Variants in CDH23 observed in about 807,000 individuals in gnomAD.
The protein encoded by CDH23 is cadherin related 23, also known as cadherin-23.
In CDH23, 189 loss-of-function variants were observed where a neutral mutation model predicts 317.1. The observed-to-expected ratio is 0.60, with a 90% CI of 0.53 to 0.67. The LOEUF is 0.67. Among genes scored for constraint, CDH23 ranks in the 30% least tolerant of loss-of-function variants. The pLI is 0.00. For synonymous variants in CDH23, 1,839 were observed against 1,876.8 expected (o/e 0.98, Z 0.52); for missense variants, 4,401 against 4,592.4 (o/e 0.96, Z 1.20).
At chr10:71,401,235 G>T (rs779939392) in intron 1 of CDH23, among the ~76,000 whole-genome samples, 3 of 152,156 alleles carry the variant, frequency 2.0e-5, no homozygotes, top group African/African-American at 4.8e-5. Flanking sequence ...TCCTCGGGTG[G>T]GGTGGCTGGT....
chr10:71,633,537 C>G (rs1474831427), intron 11 of CDH23, among the ~76,000 whole-genome samples: 1 of 152,174 alleles, frequency 6.6e-6, no homozygotes, highest in Non-Finnish European at 1.5e-5. Context: ...GGTCACCCCT[C>G]TACCCGGAGC....
At chr10:71,472,633 C>T (rs1030847319) in intron 3 of CDH23, among the ~76,000 whole-genome samples, 1 of 152,234 alleles carries the variant, frequency 6.6e-6, no homozygotes, top group African/African-American at 2.4e-5. Context: ...GCCCTTTGGC[C>T]TTGAAGGTCC....
intron 15 of CDH23, among the ~76,000 whole-genome samples, chr10:71,675,569 T>G (rs1287082251): frequency 6.6e-6 from 1 of 152,188 alleles, no homozygotes; most frequent in African/African-American, 2.4e-5. Flanking sequence ...ATCCTCTCAG[T>G]GAAATGACAG....
intron 6 of CDH23, among the ~76,000 whole-genome samples, chr10:71,530,540 C>G (rs924403582): frequency 1.3e-5 from 2 of 152,204 alleles, no homozygotes; most frequent in Non-Finnish European, 2.9e-5. Flanking sequence ...GGCATGGCAT[C>G]GGGGGGCAGG....
chr10:71,462,787 GC>G (rs139290279), intron 3 of CDH23, among the ~76,000 whole-genome samples: 2,677 of 152,348 alleles, frequency 0.018, 80 homozygotes, highest in African/African-American at 0.06. Flanking sequence ...ACCTGCCCCT[GC>G]CTGCACAGGT....
intron 14 of CDH23, among the ~76,000 whole-genome samples, chr10:71,673,391 G>A (rs920780041): frequency 1.3e-5 from 2 of 152,268 alleles, no homozygotes; most frequent in African/African-American, 4.8e-5. Flanking sequence ...AGCTGCAGTT[G>A]TAACAGTCCA....
intron 9 of CDH23, among the ~76,000 whole-genome samples, chr10:71,593,985 G>A (rs2132454268): frequency 6.6e-6 from 1 of 152,302 alleles, no homozygotes; most frequent in Non-Finnish European, 1.5e-5. Context: ...TGCAGTCCTA[G>A]CTACTTGGAA....
intron 6 of CDH23, among the ~76,000 whole-genome samples, chr10:71,534,831 A>G (rs1325289040): frequency 6.7e-6 from 1 of 148,242 alleles, no homozygotes; most frequent in Non-Finnish European, 1.5e-5. Context: ...CCAAGAAGCA[A>G]GGCTTGTGGG....
intron 38 of CDH23, 39 bp downstream of exon 38, chr10:71,741,960 C>T: frequency 6.7e-7 from 1 of 1,495,950 alleles, no homozygotes; most frequent in Non-Finnish European, 9.1e-7. Flanking sequence ...AGCGGGTGGG[C>T]CAGGGCAGCT....
intron 6 of CDH23, among the ~76,000 whole-genome samples, chr10:71,523,322 G>T (rs990854193): frequency 1.3e-5 from 2 of 152,170 alleles, no homozygotes; most frequent in African/African-American, 4.8e-5. Context: ...CAGGGCCAGG[G>T]CAATGGGAGA....
At position 71,694,708 on chromosome 10, in the gene CDH23, G is replaced by A. The variant is rs140186257; in HGVS notation, c.2289+449G>A. 3.3e-3 allele frequency among the ~76,000 whole-genome samples: 502 copies of A among 152,210 alleles called. 4 individuals are homozygous for A. Among genetic ancestry groups the A allele is most frequent in the African/African-American group, 0.011 (470 of 41,538 alleles). ...CCAGAGAGTAGAAAGCTAGAGGAAC[G>A]AAACGTGGGGGCCTCGAATGAGCTC... is the stretch of plus-strand genomic sequence containing the variant. On this transcript the variant is annotated intron_variant, in intron 21 of 69. Coordinates refer to ENST00000224721, the MANE Select transcript of CDH23 (RefSeq NM_022124.6).
chr10:71,469,376 C>G (rs900837245), intron 3 of CDH23, among the ~76,000 whole-genome samples: 1 of 152,284 alleles, frequency 6.6e-6, no homozygotes, highest in South Asian at 2.1e-4. Flanking sequence ...CAGAACTTTA[C>G]GTACATGGAA....
At chr10:71,776,943 A>T (rs1393823083) in intron 38 of CDH23, among the ~76,000 whole-genome samples, 1 of 152,246 alleles carries the variant, frequency 6.6e-6, no homozygotes, top group East Asian at 1.9e-4. Context: ...CAGGAGCAAG[A>T]ACCATTTCTA....
At chr10:71,783,771 G>GTC (rs986416348) in intron 41 of CDH23, among the ~76,000 whole-genome samples, 2 of 152,210 alleles carry the variant, frequency 1.3e-5, no homozygotes, top group African/African-American at 4.8e-5. Context: ...CCCCTCATCC[G>GTC]TCCCCTTCTG....
At chr10:71,755,449 G>A in intron 38 of CDH23, 1 of 1,612,458 alleles carries the variant, frequency 6.2e-7, no homozygotes, top group Non-Finnish European at 8.5e-7. Flanking sequence ...CCCGTAGCCA[G>A]GGCTGCAGCC....
chr10:71,811,414 G>C lies in CDH23; in HGVS notation c.9177G>C (p.Pro3059=), dbSNP rs371609236. Residue 3059 remains proline (P), a synonymous_variant, in exon 63 of 70, where the codon CCG becomes CCC. Coordinates refer to ENST00000224721, the MANE Select transcript of CDH23 (RefSeq NM_022124.6). ...AGCCTGCCATCTCTGTCCGGCTGCC[G>C]GATGACATGTCTGCCCTGCAGGTAC... is the stretch of plus-strand genomic sequence containing the variant. ...DVQPAISVRL[P]DDMSALQMAI... is the part of the protein sequence containing the mutation. 10 of 1,613,966 alleles carry C rather than the reference G, an allele frequency of 6.2e-6. No individual in the cohort carries two copies.
chr10:71,778,766 AT>A (rs917680379), intron 40 of CDH23, among the ~76,000 whole-genome samples: 2 of 152,064 alleles, frequency 1.3e-5, no homozygotes, highest in Non-Finnish European at 1.5e-5. Context: ...TACTATTATT[AT>A]TTTTTTGAGA....
intron 60 of CDH23, 150 bp from the exon 61 acceptor site, chr10:71,809,670 C>T: frequency 4.5e-6 from 5 of 1,105,838 alleles, no homozygotes; most frequent in Non-Finnish European, 6.3e-6. Context: ...ATCGTTCCCA[C>T]TTGCCTGTCA....
intron 38 of CDH23, chr10:71,753,829 C>T: frequency 2.2e-6 from 1 of 456,498 alleles, no homozygotes; most frequent in South Asian, 1.5e-5. Context: ...CCAAAAGTTC[C>T]TGAAATCTAT....
Sources: allele counts gnomAD v4.1 joint callset (sites outside exome capture counted in the v4.1 genomes callset), GRCh38; gene constraint gnomAD v4.1.1; transcripts MANE v1.5; gene names NCBI Gene and HGNC (gene_info 2026-07-23, HGNC 2026-07-21).